Variants in DAB1 observed in about 807,000 individuals in gnomAD.
DAB1 encodes the protein disabled homolog 1.
DAB1 carries 15 observed loss-of-function variants against 64.6 expected under a neutral mutation model. The ratio of observed to expected loss-of-function variants is 0.23; its 90% CI spans 0.16 to 0.36. The LOEUF is 0.36. Ranked by LOEUF, DAB1 falls within the 10% of genes least tolerant of loss-of-function variation. DAB1 has a pLI of 1.00. For synonymous variants in DAB1, 235 were observed against 251.9 expected, an observed-to-expected ratio of 0.93 and a Z score of 0.64; for missense variants, 596 against 706.7, an observed-to-expected ratio of 0.84 and a Z score of 1.78.
At chr1:58,295,458 T>A (rs1232715625) in intron 4 of DAB1, among the ~76,000 whole-genome samples, 1 of 152,072 alleles carries the variant, frequency 6.6e-6, no homozygotes, top group East Asian at 1.9e-4. Flanking sequence ...CAATTCTAGA[T>A]CTAGAGAGCC....
chr1:57,672,226 T>C (rs534395805), intron 6 of DAB1, among the ~76,000 whole-genome samples: 1 of 152,294 alleles, frequency 6.6e-6, no homozygotes, highest in East Asian at 1.9e-4. Context: ...GCCTCATTAA[T>C]GTAAAATACA....
chr1:57,675,681 C>T (rs1438434309), intron 6 of DAB1, among the ~76,000 whole-genome samples: 1 of 152,146 alleles, frequency 6.6e-6, no homozygotes, highest in African/African-American at 2.4e-5. Context: ...AATTATACAT[C>T]TATTCAGCAC....
At chr1:58,337,091 G>A (rs1663135645) in intron 4 of DAB1, among the ~76,000 whole-genome samples, 1 of 152,052 alleles carries the variant, frequency 6.6e-6, no homozygotes, top group Non-Finnish European at 1.5e-5. Flanking sequence ...AGACCAGCCT[G>A]GCCAACATGA....
intron 4 of DAB1, among the ~76,000 whole-genome samples, chr1:58,289,341 G>A (rs1442723594): frequency 6.6e-6 from 1 of 152,162 alleles, no homozygotes; most frequent in Non-Finnish European, 1.5e-5. Flanking sequence ...AAAAGGCTAA[G>A]AGAGGTGAAG....
At chr1:57,560,988 C>A (rs1022160689) in intron 7 of DAB1, among the ~76,000 whole-genome samples, 3 of 152,234 alleles carry the variant, frequency 2.0e-5, no homozygotes, top group East Asian at 3.9e-4. Flanking sequence ...ACCCATCTAG[C>A]CATAAAGTGG....
chr1:57,977,771 T>C (rs1645957196), intron 5 of DAB1, among the ~76,000 whole-genome samples: 1 of 152,086 alleles, frequency 6.6e-6, no homozygotes, highest in Non-Finnish European at 1.5e-5. Context: ...AAAGGCTGTG[T>C]CTTCTTTAAG....
At chr1:58,248,723 C>T (rs1341469869) in intron 4 of DAB1, among the ~76,000 whole-genome samples, 1 of 152,132 alleles carries the variant, frequency 6.6e-6, no homozygotes, top group Non-Finnish European at 1.5e-5. Flanking sequence ...GTGGAGGGCT[C>T]TAAGCTCTGA....
At chr1:57,917,971 G>T (rs1202073212) in intron 5 of DAB1, among the ~76,000 whole-genome samples, 1 of 151,972 alleles carries the variant, frequency 6.6e-6, no homozygotes, top group African/African-American at 2.4e-5. Context: ...GGGAGGCTGA[G>T]GCAGAAGAAT....
intron 2 of DAB1, among the ~76,000 whole-genome samples, chr1:57,257,156 C>T (rs756461090): frequency 1.3e-5 from 2 of 152,214 alleles, no homozygotes; most frequent in Non-Finnish European, 2.9e-5. Context: ...GGTCTCCACT[C>T]TTGGGGTTTG....
intron 9 of DAB1, among the ~76,000 whole-genome samples, chr1:57,049,471 A>G (rs1570592702): frequency 7.0e-6 from 1 of 143,254 alleles, no homozygotes. Context: ...AAAAAAAAAA[A>G]AAAAAAGAAG....
intron 1 of DAB1, chr1:57,876,255 C>G (rs1359519192): frequency 6.6e-6 from 1 of 152,126 alleles, no homozygotes; most frequent in Non-Finnish European, 1.5e-5. Context: ...CTGGATAGTA[C>G]CTTCTTAGGA....
At chr1:57,286,187 C>T (rs1003306002) in intron 2 of DAB1, among the ~76,000 whole-genome samples, 3 of 152,124 alleles carry the variant, frequency 2.0e-5, no homozygotes, top group East Asian at 1.9e-4. Flanking sequence ...TATTTGAAAC[C>T]GTCTGGCTTG....
At chr1:57,300,097 AC>A (rs1673518541) in intron 1 of DAB1, among the ~76,000 whole-genome samples, 1 of 152,088 alleles carries the variant, frequency 6.6e-6, no homozygotes, top group African/African-American at 2.4e-5. Context: ...TTGCATCCAC[AC>A]CAGCCCCCTG....
At chr1:58,340,601 A>C (rs1388169047) in intron 4 of DAB1, among the ~76,000 whole-genome samples, 1 of 152,188 alleles carries the variant, frequency 6.6e-6, no homozygotes, top group East Asian at 1.9e-4. Flanking sequence ...AATGGATACC[A>C]GGGTCTGAAC....
chr1:58,324,198 T>C (rs10127537), intron 4 of DAB1, among the ~76,000 whole-genome samples: 38,558 of 151,938 alleles, frequency 0.25, 5,394 homozygotes, highest in East Asian at 0.64. Context: ...TGTATTATAA[T>C]AGCCTCGCTG....
At chr1:57,604,471 C>A (rs12021572) in intron 7 of DAB1, among the ~76,000 whole-genome samples, 1 of 151,822 alleles carries the variant, frequency 6.6e-6, no homozygotes, top group Admixed American at 6.6e-5. Flanking sequence ...CAGAGACAGT[C>A]ACAGTTTCCT....
At chr1:57,580,339 T>C (rs1645298640) in intron 7 of DAB1, among the ~76,000 whole-genome samples, 1 of 152,124 alleles carries the variant, frequency 6.6e-6, no homozygotes. Context: ...AGACAAAGCT[T>C]CCTGCCTTAC....
intron 6 of DAB1, among the ~76,000 whole-genome samples, chr1:57,689,959 T>A (rs530203561): frequency 2.0e-5 from 3 of 152,186 alleles, no homozygotes; most frequent in East Asian, 3.9e-4. Flanking sequence ...CTCTGTGAGT[T>A]CAATTGTTTT....
At chr1:57,394,492 A>G (rs568816112) in intron 1 of DAB1, among the ~76,000 whole-genome samples, 121 of 152,360 alleles carry the variant, frequency 7.9e-4, no homozygotes, top group African/African-American at 2.5e-3. Flanking sequence ...TTAAAGAACT[A>G]CAAAAGAGAA....
Sources: allele counts gnomAD v4.1 joint callset (sites outside exome capture counted in the v4.1 genomes callset), GRCh38; gene constraint gnomAD v4.1.1; transcripts MANE v1.5; gene names NCBI Gene and HGNC (gene_info 2026-07-23, HGNC 2026-07-21).